The following PARVA variants were observed in gnomAD, a reference collection of about 807,000 sequenced individuals.
PARVA encodes the protein parvin alpha, also known as alpha-parvin.
PARVA carries 25 observed loss-of-function variants against 52.6 expected under a neutral mutation model. The ratio of observed to expected loss-of-function variants is 0.48; its 90% CI spans 0.35 to 0.66. PARVA has a LOEUF of 0.66. Ranked by LOEUF, PARVA falls within the 30% of genes least tolerant of loss-of-function variation. PARVA has a pLI of 0.01. For synonymous variants in PARVA, 185 were observed against 179.1 expected, an observed-to-expected ratio of 1.03 and a Z score of -0.26; for missense variants, 373 against 450.9, an observed-to-expected ratio of 0.83 and a Z score of 1.56.
chr11:12,415,346 T>G (rs1008272865), intron 1 of PARVA, among the ~76,000 whole-genome samples: 1 of 152,206 alleles, frequency 6.6e-6, no homozygotes, highest in Non-Finnish European at 1.5e-5. Flanking sequence ...AGGCCTTTCA[T>G]TTTTGTAAAT....
At chr11:12,382,380 TC>T (rs1221903460) in intron 1 of PARVA, among the ~76,000 whole-genome samples, 8 of 144,132 alleles carry the variant, frequency 5.6e-5, no homozygotes, top group Non-Finnish European at 7.5e-5. Flanking sequence ...AGTAACTTTT[TC>T]TTTTTTTTTT....
chr11:12,487,565 T>C (rs1437107599), intron 4 of PARVA, among the ~76,000 whole-genome samples: 1 of 152,162 alleles, frequency 6.6e-6, no homozygotes, highest in Non-Finnish European at 1.5e-5. Context: ...CGTTGGACAA[T>C]TAAAAAAATG....
rs111287854 is a variant in PARVA, at chr11:12,451,447, C to CT, written c.137-22286dup. 2.9e-3 allele frequency among the ~76,000 whole-genome samples: 414 copies of CT among 143,984 alleles called. 1 individual carries two copies. Among genetic ancestry groups the CT allele is most frequent in the African/African-American group, 7.5e-3 (298 of 39,722 alleles). The allele number at this position is 143,984 out of a possible 152,430, so 94.5% of individuals were successfully genotyped here. ...TGACACATGAGGCTAGGTAGAGATG[C>CT]TTTTTTTTTTTTCTGTCTGATATCT... On this transcript the variant is annotated intron_variant, in intron 1 of 12. Transcript: ENST00000334956.
chr11:12,439,064 G>A (rs1370128976), intron 1 of PARVA, among the ~76,000 whole-genome samples: 1 of 152,206 alleles, frequency 6.6e-6, no homozygotes, highest in Non-Finnish European at 1.5e-5. Flanking sequence ...GAGGATGCAT[G>A]AATAAGACTG....
chr11:12,431,149 C>T (rs925203615), intron 1 of PARVA, among the ~76,000 whole-genome samples: 1 of 152,206 alleles, frequency 6.6e-6, no homozygotes, highest in Non-Finnish European at 1.5e-5. Context: ...AATAGCTGAT[C>T]CCCCAATACC....
chr11:12,483,221 T>C (rs1941111489), intron 4 of PARVA, among the ~76,000 whole-genome samples: 1 of 152,244 alleles, frequency 6.6e-6, no homozygotes, highest in South Asian at 2.1e-4. Flanking sequence ...GCTGCCCCAT[T>C]GCTGCCTGTA....
chr11:12,388,428 G>A (rs527255830), intron 1 of PARVA, among the ~76,000 whole-genome samples: 21 of 152,330 alleles, frequency 1.4e-4, no homozygotes, highest in South Asian at 6.2e-4. Context: ...ATGAGAGGCC[G>A]TGGATGGAAG....
chr11:12,527,829 GT>G lies in PARVA; in HGVS notation c.1043-14del. The G allele has an allele frequency of 6.3e-7, 1 of 1,598,242 alleles. No homozygotes were observed. The highest frequency in any genetic ancestry group is 8.6e-7 in the Non-Finnish European group (1 of 1,165,546). On this transcript the variant is annotated intron_variant, in intron 12 of 12. Transcript: ENST00000334956. ...ATGTGGCCCCATGGAAACAATTGGT[GT>G]TTTTTGTTTTCTACGCAGACATAGT... is the stretch of plus-strand genomic sequence containing the variant.
At chr11:12,382,199 C>T (rs1356563041) in intron 1 of PARVA, among the ~76,000 whole-genome samples, 1 of 152,150 alleles carries the variant, frequency 6.6e-6, no homozygotes, top group African/African-American at 2.4e-5. Flanking sequence ...TTAATCTTTA[C>T]GTTTACATTT....
At chr11:12,446,467 C>G (rs748037656) in intron 1 of PARVA, among the ~76,000 whole-genome samples, 1 of 152,132 alleles carries the variant, frequency 6.6e-6, no homozygotes, top group Middle Eastern at 3.2e-3. Flanking sequence ...AATCAGTCCT[C>G]CACTCTGACC....
At chr11:12,457,039 A>G (rs1007395171) in intron 1 of PARVA, among the ~76,000 whole-genome samples, 2 of 152,134 alleles carry the variant, frequency 1.3e-5, no homozygotes, top group African/African-American at 4.8e-5. Context: ...GTGCGTGTTT[A>G]TTTTTGTGTA....
chr11:12,386,735 A>C (rs868353797), intron 1 of PARVA, among the ~76,000 whole-genome samples: 1 of 152,240 alleles, frequency 6.6e-6, no homozygotes, highest in African/African-American at 2.4e-5. Context: ...TAACATTAAA[A>C]GATTAGACTA....
chr11:12,426,719 G>A (rs2134989692), intron 1 of PARVA, among the ~76,000 whole-genome samples: 1 of 152,222 alleles, frequency 6.6e-6, no homozygotes, highest in East Asian at 1.9e-4. Context: ...GTATCACCAG[G>A]TTGTCTTGTG....
Position 12,485,345 on chromosome 11 carries a change from G to A in PARVA, c.400+7396G>A, listed in dbSNP as rs79182364. 9.1e-4 allele frequency among the ~76,000 whole-genome samples: 138 copies of A among 152,266 alleles called. No homozygotes were observed. The East Asian group carries it at 0.017, about 19-fold the overall frequency. On this transcript the variant is annotated intron_variant, in intron 4 of 12. Transcript: ENST00000334956. ...GAAAATGAGACCCAGCTCCCAGGTC[G>A]TGGTTTTTAGCACCATTTCCAACAG... is the stretch of plus-strand genomic sequence containing the variant.
At chr11:12,383,074 C>T (rs1256778977) in intron 1 of PARVA, among the ~76,000 whole-genome samples, 1 of 152,164 alleles carries the variant, frequency 6.6e-6, no homozygotes, top group Non-Finnish European at 1.5e-5. Flanking sequence ...TCTTTCTTTG[C>T]AAGTGAGATC....
intron 9 of PARVA, 160 bp downstream of exon 9, chr11:12,513,520 G>A: frequency 2.7e-6 from 2 of 751,024 alleles, no homozygotes; most frequent in Non-Finnish European, 4.9e-6. Flanking sequence ...GTACCTGTCT[G>A]TTCCTCACTG....
intron 1 of PARVA, chr11:12,398,119 T>G (rs1411411862): frequency 1.3e-5 from 2 of 152,172 alleles, no homozygotes; most frequent in East Asian, 3.9e-4. Context: ...TAGGGATGAC[T>G]GCTCCACCAA....
intron 9 of PARVA, chr11:12,513,748 C>CT: frequency 1.7e-6 from 1 of 591,650 alleles, no homozygotes; most frequent in Non-Finnish European, 3.0e-6. Flanking sequence ...CTCCACCTAT[C>CT]ATTCTGCCTC....
intron 4 of PARVA, chr11:12,480,911 G>A (rs554053570): frequency 3.3e-5 from 5 of 151,380 alleles, no homozygotes; most frequent in African/African-American, 7.3e-5. Flanking sequence ...TTTTTTTAAC[G>A]ACCCTGTGAG....
Sources: allele counts gnomAD v4.1 joint callset (sites outside exome capture counted in the v4.1 genomes callset), GRCh38; gene constraint gnomAD v4.1.1; transcripts MANE v1.5; gene names NCBI Gene and HGNC (gene_info 2026-07-23, HGNC 2026-07-21).